TASOR2: variants seen among roughly 807,000 people sequenced by gnomAD.
TASOR2 encodes transcription activation suppressor family member 2.
In TASOR2, 84 loss-of-function variants were observed where a neutral mutation model predicts 199.5. The ratio of observed to expected loss-of-function variants is 0.42; its 90% CI spans 0.35 to 0.50. The LOEUF (loss-of-function observed/expected upper bound fraction) is 0.50. TASOR2 is among the 20% of genes least tolerant of loss of function. The pLI is 0.02. For missense variants in TASOR2, 2,796 were observed against 2,835.9 expected (o/e 0.99, Z 0.32); for synonymous variants, 1,103 against 1,046.6 (o/e 1.05, Z -1.04).
At chr10:5,749,934 C>T in exon 15 of TASOR2, 1 of 1,614,158 alleles carries the variant, frequency 6.2e-7, no homozygotes, top group Non-Finnish European at 8.5e-7. Flanking sequence ...ATTTGCACGT[C>T]AAACTAAGAA....
rs552191897 is a variant in TASOR2 at position 5,716,798 on chromosome 10, C to T, written c.-191-861C>T. On this transcript the variant is annotated intron_variant, in intron 2 of 20. Transcript: ENST00000328090. ...GGCATGGTGGCATGCACCTGTAATC[C>T]CAGCTACTCAGGTGGCCAAGACTCG... Among the ~76,000 whole-genome samples, 611 of 151,916 alleles carry T rather than the reference C, an allele frequency of 4.0e-3. 3 individuals are homozygous for T. The highest frequency in any genetic ancestry group is 0.014 in the African/African-American group (575 of 41,418).
rs1264466556 is a variant in TASOR2 at position 5,706,659 on chromosome 10, GA to G, written c.-287-6162del. ...AAAAGCAAAACACGGTATAAGGAAAGAACTTGACTACACAGTATGGCTCAGC... is the reference window on the plus strand; with the variant it reads ...AAAAGCAAAACACGGTATAAGGAAAGACTTGACTACACAGTATGGCTCAGC... On this transcript the variant is annotated intron_variant, in intron 1 of 20. Coordinates refer to ENST00000328090, the Ensembl canonical transcript of TASOR2. This position sits in a 1 kb window ranked among gnomAD's most constrained non-coding sequence, Gnocchi z 4.8. 6.6e-6 allele frequency among the ~76,000 whole-genome samples: 1 copy of G among 152,202 alleles called. No individual in the cohort carries two copies. The highest frequency in any genetic ancestry group is 1.5e-5 in the Non-Finnish European group (1 of 68,032).
intron 17 of TASOR2, among the ~76,000 whole-genome samples, chr10:5,758,315 A>T (rs756172780): frequency 6.6e-6 from 1 of 152,102 alleles, no homozygotes; most frequent in Non-Finnish European, 1.5e-5. Context: ...CCAAGGCAGG[A>T]GGATCCCTGG....
rs1346057671 is a variant in TASOR2 at position 5,740,603 on chromosome 10, G to A, written c.2327+106G>A. Reference sequence around the variant, plus strand: ...AAACTCTGGAGAAGGAGAAAGAAGTGTTGTGTTTAAAACCAGTAATTTGAT... The same window carrying A: ...AAACTCTGGAGAAGGAGAAAGAAGTATTGTGTTTAAAACCAGTAATTTGAT... On this transcript the variant is annotated intron_variant, in intron 13 of 20. Coordinates refer to ENST00000328090, the Ensembl canonical transcript of TASOR2. This position sits in a 1 kb window ranked among gnomAD's most constrained non-coding sequence, Gnocchi z 5.3. The A allele has an allele frequency of 3.7e-5, 45 of 1,226,934 alleles. No individual in the cohort carries two copies. Among genetic ancestry groups the A allele is most frequent in the Non-Finnish European group, 4.6e-5 (41 of 889,280 alleles). 76.0% of individuals were successfully genotyped at this position (1,226,934 alleles called of 1,614,324 possible).
intron 16 of TASOR2, 134 bp from the exon 18 acceptor site, chr10:5,757,386 C>A: frequency 1.2e-6 from 1 of 852,650 alleles, no homozygotes; most frequent in Non-Finnish European, 1.8e-6. Context: ...GCAGAATGAC[C>A]AGTCGGTAAT....
At chr10:5,727,492 A>T (rs1330665326) in intron 10 of TASOR2, among the ~76,000 whole-genome samples, 1 of 152,164 alleles carries the variant, frequency 6.6e-6, no homozygotes, top group Non-Finnish European at 1.5e-5. Flanking sequence ...AGTCCTTTTC[A>T]TATCAAGCCC....
intron 11 of TASOR2, 116 bp from the exon 13 acceptor site, chr10:5,735,188 C>A: frequency 8.4e-7 from 1 of 1,186,224 alleles, no homozygotes; most frequent in Non-Finnish European, 1.2e-6. Context: ...TAGTTTATTC[C>A]CCATTACTAA....
chr10:5,748,925 T>G lies in TASOR2; in HGVS notation c.5504T>G (p.Leu1835Arg). Residue 1835 changes from leucine (L) to arginine (R), a missense_variant, in exon 15 of 21, where the codon CTT becomes CGT. By Grantham distance (102) the Leu-to-Arg change is moderately radical. Transcript: ENST00000328090. This position sits in a 1 kb window ranked among gnomAD's most constrained non-coding sequence, Gnocchi z 5.1. ...TCTGGAGATTCTGATCTAGACCTGC[T>G]TGGTGATTGTAGAAATCCCAGACTG... 1 of 1,614,122 alleles carries G rather than the reference T, an allele frequency of 6.2e-7. No individual in the cohort carries two copies.
At chr10:5,734,575 C>T (rs1835290403) in intron 11 of TASOR2, among the ~76,000 whole-genome samples, 1 of 152,164 alleles carries the variant, frequency 6.6e-6, no homozygotes, top group Non-Finnish European at 1.5e-5. Flanking sequence ...CAACTCTTCT[C>T]TGCAGTGTGG....
chr10:5,715,724 C>T (rs1232875218), intron 2 of TASOR2, among the ~76,000 whole-genome samples: 1 of 151,990 alleles, frequency 6.6e-6, no homozygotes, highest in African/African-American at 2.4e-5. Context: ...CTCTCTGCAA[C>T]CTTCGACTCC....
chr10:5,744,909 G>T (rs1044925876), intron 14 of TASOR2, among the ~76,000 whole-genome samples: 2 of 152,180 alleles, frequency 1.3e-5, no homozygotes, highest in African/African-American at 2.4e-5. Flanking sequence ...GATTACAGGC[G>T]TGAGAAGCCG....
At chr10:5,741,201 T>A (rs142640865) in intron 13 of TASOR2, among the ~76,000 whole-genome samples, 1 of 152,350 alleles carries the variant, frequency 6.6e-6, no homozygotes, top group African/African-American at 2.4e-5. Context: ...TCAGGTGATA[T>A]CAATGGTGGA....
At chr10:5,724,745 T>A (rs944881232) in intron 8 of TASOR2, among the ~76,000 whole-genome samples, 2 of 150,778 alleles carry the variant, frequency 1.3e-5, no homozygotes, top group Non-Finnish European at 3.0e-5. Context: ...TATATATTAT[T>A]AATGTAATAC....
rs1564291140 is a variant in TASOR2, at chr10:5,720,606, T to C, written c.-37T>C. 4 of 1,613,904 alleles carry C rather than the reference T, an allele frequency of 2.5e-6. No homozygotes were observed. Among genetic ancestry groups the C allele is most frequent in the Non-Finnish European group, 3.4e-6 (4 of 1,179,962 alleles). On this transcript the variant is annotated 5_prime_UTR_variant, in exon 4 of 21. It removes an upstream start codon present in the reference 5' UTR. Transcript: ENST00000328090. The surrounding 1 kb of genome is among the most constrained non-coding windows in gnomAD (Gnocchi z 5.3). Reference sequence around the variant, plus strand: ...AACGACCCAGACAGATCTGTCCTTATGTAATTGTAGCTTTTCGATACAGGG... The same window carrying C: ...AACGACCCAGACAGATCTGTCCTTACGTAATTGTAGCTTTTCGATACAGGG...
exon 15 of TASOR2, chr10:5,749,645 A>T: frequency 6.2e-7 from 1 of 1,614,198 alleles, no homozygotes; most frequent in Non-Finnish European, 8.5e-7. Context: ...AGATGTAGTC[A>T]TAATAGAGAT....
intron 1 of TASOR2, among the ~76,000 whole-genome samples, chr10:5,704,736 AAATG>A (rs1838355267): frequency 6.6e-6 from 1 of 152,206 alleles, no homozygotes; most frequent in African/African-American, 2.4e-5. Context: ...TATACATTTG[AAATG>A]AACAGTTTCT....
intron 2 of TASOR2, chr10:5,713,661 A>T (rs1174266114): frequency 6.6e-6 from 1 of 152,268 alleles, no homozygotes; most frequent in Admixed American, 6.5e-5. Flanking sequence ...CTGGGTTCTT[A>T]CTAAAAATGA....
At chr10:5,688,813 G>GTT (rs1836091975) in intron 1 of TASOR2, among the ~76,000 whole-genome samples, 1 of 151,810 alleles carries the variant, frequency 6.6e-6, no homozygotes, top group Admixed American at 6.6e-5. Context: ...AGACCAGCCT[G>GTT]GGCAACATAG....
exon 21 of TASOR2, chr10:5,763,360 T>C (rs1195656529): frequency 8.2e-6 from 2 of 244,288 alleles, no homozygotes; most frequent in Admixed American, 5.5e-5. Context: ...TTTTAACAAA[T>C]AGCTTTGTTT....
Sources: gnomAD v4.1 joint callset for allele counts (sites outside exome capture counted in the v4.1 genomes callset) on GRCh38, gnomAD v4.1.1 for gene constraint, Gnocchi (gnomAD v3.1) non-coding constraint, MANE v1.5 for transcripts, NCBI Gene and HGNC (gene_info 2026-07-23, HGNC 2026-07-21) for gene names.